CRPPA: variants seen among roughly 807,000 people sequenced by gnomAD.
The protein encoded by CRPPA is CDP-L-ribitol pyrophosphorylase A.
CRPPA carries 43 observed loss-of-function variants against 52.0 expected under a neutral mutation model. That is an observed-to-expected ratio of 0.83 (90% CI 0.65 to 1.07). The LOEUF (loss-of-function observed/expected upper bound fraction) is 1.07, where lower values mean the gene tolerates loss of function less well. Ranked by LOEUF, CRPPA falls within the 50% of genes least tolerant of loss-of-function variation. CRPPA has a pLI of 0.00. For missense variants in CRPPA, 629 were observed against 551.7 expected, an observed-to-expected ratio of 1.14 and a Z score of -1.40; for synonymous variants, 250 against 203.5, an observed-to-expected ratio of 1.23 and a Z score of -1.94.
chr7:16,385,399 A>C (rs981926588), intron 2 of CRPPA, among the ~76,000 whole-genome samples: 2 of 152,246 alleles, frequency 1.3e-5, no homozygotes, highest in African/African-American at 4.8e-5. Context: ...AAAATCTTGA[A>C]AGCAGCTCAA....
At chr7:16,340,221 G>T (rs1054054468) in intron 3 of CRPPA, among the ~76,000 whole-genome samples, 2 of 151,928 alleles carry the variant, frequency 1.3e-5, no homozygotes, top group South Asian at 2.1e-4. Context: ...AACCCTAAAG[G>T]AATGATACAT....
chr7:16,255,124 A>G (rs1318031403), intron 8 of CRPPA, among the ~76,000 whole-genome samples: 1 of 152,220 alleles, frequency 6.6e-6, no homozygotes, highest in Non-Finnish European at 1.5e-5. Context: ...TGCAAAAATC[A>G]CAAGCATTCC....
chr7:16,414,219 C>T (rs1788134589), intron 1 of CRPPA, among the ~76,000 whole-genome samples: 1 of 152,076 alleles, frequency 6.6e-6, no homozygotes, highest in Non-Finnish European at 1.5e-5. Flanking sequence ...GTCAGGAATT[C>T]CCAACCCCTA....
At chr7:16,369,693 C>T (rs10237809) in intron 3 of CRPPA, among the ~76,000 whole-genome samples, 2,334 of 152,176 alleles carry the variant, frequency 0.015, 68 homozygotes, top group African/African-American at 0.053. Flanking sequence ...CCCAAGATGG[C>T]AGATAGCAGG....
intron 9 of CRPPA, among the ~76,000 whole-genome samples, chr7:16,131,283 G>A (rs1782676238): frequency 6.6e-6 from 1 of 152,258 alleles, no homozygotes; most frequent in African/African-American, 2.4e-5. Context: ...GGCAATTTTA[G>A]AAGGAAAAGA....
At chr7:16,261,580 G>A (rs927539549) in intron 6 of CRPPA, among the ~76,000 whole-genome samples, 45 of 143,714 alleles carry the variant, frequency 3.1e-4, no homozygotes, top group African/African-American at 1.1e-3. Flanking sequence ...GCAAGTAGTT[G>A]GTTGTTTTGG....
chr7:16,254,825 GAA>G (rs1212783807), intron 8 of CRPPA, among the ~76,000 whole-genome samples: 3 of 147,218 alleles, frequency 2.0e-5, no homozygotes. Flanking sequence ...AAGAAAGAAA[GAA>G]AGAAAGAAAG....
intron 8 of CRPPA, among the ~76,000 whole-genome samples, chr7:16,228,186 T>G (rs188838518): frequency 3.3e-5 from 5 of 152,022 alleles, no homozygotes; most frequent in Admixed American, 2.6e-4. Context: ...CCAGCTTTGT[T>G]CTTTTTCCTC....
At chr7:16,133,626 T>G (rs1782715661) in intron 9 of CRPPA, among the ~76,000 whole-genome samples, 1 of 124,200 alleles carries the variant, frequency 8.1e-6, no homozygotes, top group African/African-American at 2.6e-5. Context: ...CCCATGGTTC[T>G]TAGGTATTTT....
At chr7:16,281,935 T>C (rs1033187492) in intron 5 of CRPPA, among the ~76,000 whole-genome samples, 2 of 152,188 alleles carry the variant, frequency 1.3e-5, no homozygotes, top group African/African-American at 4.8e-5. Flanking sequence ...TGATACTGAC[T>C]GAGCATTCAA....
At chr7:16,167,884 A>G (rs1445678211) in intron 9 of CRPPA, among the ~76,000 whole-genome samples, 7 of 152,176 alleles carry the variant, frequency 4.6e-5, no homozygotes, top group African/African-American at 1.7e-4. Flanking sequence ...CTTCTTTCCT[A>G]GTAGAGACTG....
At chr7:16,258,503 A>G (rs1474468585) in intron 7 of CRPPA, 21 bp from the exon 8 acceptor site, 1 of 1,473,754 alleles carries the variant, frequency 6.8e-7, no homozygotes, top group Non-Finnish European at 9.3e-7. Context: ...AGAAAAATAA[A>G]AGGATATGAG....
At chr7:16,326,043 C>G (rs1156471793) in intron 3 of CRPPA, among the ~76,000 whole-genome samples, 2 of 133,000 alleles carry the variant, frequency 1.5e-5, no homozygotes, top group Non-Finnish European at 3.2e-5. Context: ...TGTAAATATG[C>G]TTTAAGTAAG....
intron 9 of CRPPA, among the ~76,000 whole-genome samples, chr7:16,102,675 G>A (rs1193585299): frequency 6.6e-6 from 1 of 152,150 alleles, no homozygotes; most frequent in African/African-American, 2.4e-5. Context: ...CTCAACAGAA[G>A]ACATTTACGT....
chr7:16,370,782 C>A (rs145771165), intron 3 of CRPPA, among the ~76,000 whole-genome samples: 11 of 152,214 alleles, frequency 7.2e-5, no homozygotes, highest in South Asian at 6.2e-4. Context: ...TGCCCTCCCC[C>A]ACCTGCCACC....
At chr7:16,099,388 G>T (rs958586948) in intron 9 of CRPPA, among the ~76,000 whole-genome samples, 2 of 133,682 alleles carry the variant, frequency 1.5e-5, no homozygotes, top group Admixed American at 7.6e-5. Flanking sequence ...GAGGGAAGGG[G>T]AGGGGAGAAG....
chr7:16,355,341 A>T (rs983371403), intron 3 of CRPPA, among the ~76,000 whole-genome samples: 10 of 152,142 alleles, frequency 6.6e-5, no homozygotes, highest in African/African-American at 2.4e-4. Context: ...TTTCTTCTCC[A>T]TCATAATTTA....
intron 8 of CRPPA, among the ~76,000 whole-genome samples, chr7:16,226,692 A>C (rs1782660670): frequency 6.6e-6 from 1 of 151,958 alleles, no homozygotes; most frequent in Non-Finnish European, 1.5e-5. Flanking sequence ...GTTAATTTTC[A>C]CATAGGCAGA....
intron 9 of CRPPA, among the ~76,000 whole-genome samples, chr7:16,185,222 G>A (rs1421950117): frequency 6.6e-6 from 1 of 152,156 alleles, no homozygotes; most frequent in African/African-American, 2.4e-5. Context: ...CAGCAGACAA[G>A]AGAAGAGAGC....
Sources: gnomAD v4.1 joint callset for allele counts (sites outside exome capture counted in the v4.1 genomes callset) on GRCh38, gnomAD v4.1.1 for gene constraint, MANE v1.5 for transcripts, NCBI Gene and HGNC (gene_info 2026-07-23, HGNC 2026-07-21) for gene names.